HS2ST1: variants seen among roughly 807,000 people sequenced by gnomAD.
HS2ST1 encodes the protein 2-O-sulfotransferase.
A neutral mutation model predicts 42.9 loss-of-function variants in HS2ST1; 18 were observed. The ratio of observed to expected loss-of-function variants is 0.42; its 90% CI spans 0.29 to 0.62. The LOEUF (loss-of-function observed/expected upper bound fraction) is 0.62. Ranked by LOEUF, HS2ST1 falls within the 20% of genes least tolerant of loss-of-function variation. The pLI, the probability that HS2ST1 is intolerant of heterozygous loss-of-function variation, is 0.21. For missense variants in HS2ST1, 334 were observed against 433.8 expected, an observed-to-expected ratio of 0.77 and a Z score of 2.04; for synonymous variants, 146 against 152.9, an observed-to-expected ratio of 0.95 and a Z score of 0.33.
At chr1:87,051,158 A>T (rs1237814049) in intron 1 of HS2ST1, among the ~76,000 whole-genome samples, 2 of 152,172 alleles carry the variant, frequency 1.3e-5, no homozygotes, top group South Asian at 4.1e-4. Context: ...TTTCAGAGAA[A>T]GAAGTAGCTT....
intron 1 of HS2ST1, among the ~76,000 whole-genome samples, chr1:86,923,579 G>A (rs1660349317): frequency 6.6e-6 from 1 of 152,106 alleles, no homozygotes; most frequent in South Asian, 2.1e-4. Context: ...TGTATTTTTA[G>A]TAGAGATGGG....
In HS2ST1 at chr1:87,098,118, A is replaced by G; in HGVS notation, c.686+183A>G. 5 of 1,332,658 alleles carry G rather than the reference A, an allele frequency of 3.8e-6. No individual in the cohort carries two copies. In the South Asian group the frequency reaches 7.9e-5, roughly 21 times the overall value. The allele number at this position is 1,332,658 out of a possible 1,614,324, so 82.6% of individuals were successfully genotyped here. A position where few individuals can be genotyped will look rare whatever the true frequency, so the allele number is the denominator to read the frequency against. The stretch of plus-strand genomic sequence containing the variant: ...TGCATTTAAAAGATTCCTCATGTAG[A>G]GTGATATCCTAATATCCTTGCATTG... On this transcript the variant is annotated intron_variant, in intron 5 of 6. Transcript: ENST00000370550.
chr1:86,971,226 G>A (rs1027623649), intron 1 of HS2ST1, among the ~76,000 whole-genome samples: 2 of 152,030 alleles, frequency 1.3e-5, no homozygotes, highest in Non-Finnish European at 2.9e-5. Flanking sequence ...ATCCAAGAGG[G>A]AAGGTCTATA....
intron 1 of HS2ST1, among the ~76,000 whole-genome samples, chr1:86,923,458 G>A (rs190805844): frequency 3.6e-4 from 55 of 151,226 alleles, no homozygotes; most frequent in African/African-American, 1.2e-3. Context: ...GTGCAGTGGC[G>A]CAATCTCGGC....
At chr1:86,963,951 T>G (rs965078840) in intron 1 of HS2ST1, among the ~76,000 whole-genome samples, 1 of 146,256 alleles carries the variant, frequency 6.8e-6, no homozygotes, top group Non-Finnish European at 1.5e-5. Context: ...GCTCCTCACT[T>G]CCCAAATGGG....
chr1:87,095,300 C>G (rs1302113331), intron 4 of HS2ST1, among the ~76,000 whole-genome samples: 1 of 152,086 alleles, frequency 6.6e-6, no homozygotes. Flanking sequence ...GTGTAGATAG[C>G]TTTATTTCTA....
chr1:87,003,993 A>AT (rs1557512029), intron 1 of HS2ST1, among the ~76,000 whole-genome samples: 1 of 152,166 alleles, frequency 6.6e-6, no homozygotes, highest in Non-Finnish European at 1.5e-5. Context: ...AACTTGTTAC[A>AT]TTTTTTAACA....
At chr1:87,058,359 C>T (rs1421824654) in intron 1 of HS2ST1, among the ~76,000 whole-genome samples, 2 of 151,774 alleles carry the variant, frequency 1.3e-5, no homozygotes, top group African/African-American at 4.9e-5. Context: ...AAAAAGGATT[C>T]TGCCTCTTTT....
At chr1:87,013,662 T>C (rs1175748622) in intron 1 of HS2ST1, among the ~76,000 whole-genome samples, 4 of 152,232 alleles carry the variant, frequency 2.6e-5, no homozygotes, top group Non-Finnish European at 5.9e-5. Context: ...GTTTTTCTTT[T>C]CTATTGCATT....
intron 1 of HS2ST1, among the ~76,000 whole-genome samples, chr1:86,963,804 C>T (rs1411103987): frequency 2.2e-4 from 33 of 146,758 alleles, no homozygotes; most frequent in Non-Finnish European, 4.2e-4. Context: ...CCCCACCTCC[C>T]CCCCTGGACG....
intron 1 of HS2ST1, among the ~76,000 whole-genome samples, chr1:86,985,509 C>CAT (rs67550551): frequency 5.4e-5 from 2 of 37,010 alleles, no homozygotes; most frequent in Non-Finnish European, 1.3e-4. Flanking sequence ...CATATATACA[C>CAT]ATATATATAC....
rs529726819 is a variant in HS2ST1 at position 86,927,284 on chromosome 1, A to G, written c.124+12124A>G. On this transcript the variant is annotated intron_variant, in intron 1 of 6. Transcript: ENST00000370550. Reference sequence around the variant, plus strand: ...TTGCCCTATGGTGAATATTATCATTATAGTCCTCAGATCTTCAACGTGGCA... The same window carrying G: ...TTGCCCTATGGTGAATATTATCATTGTAGTCCTCAGATCTTCAACGTGGCA... 2.6e-4 allele frequency among the ~76,000 whole-genome samples: 39 copies of G among 152,342 alleles called. 2 individuals are homozygous for G. In the Middle Eastern group the frequency reaches 0.024, roughly 94 times the overall value.
chr1:86,969,746 ATATCT>A (rs1308393349), intron 1 of HS2ST1, among the ~76,000 whole-genome samples: 2 of 151,294 alleles, frequency 1.3e-5, no homozygotes, highest in Non-Finnish European at 2.9e-5. Flanking sequence ...GTTATATAAA[ATATCT>A]TAATTAAGAG....
chr1:86,948,779 A>T (rs1226349555), intron 1 of HS2ST1, among the ~76,000 whole-genome samples: 1 of 152,240 alleles, frequency 6.6e-6, no homozygotes, highest in Non-Finnish European at 1.5e-5. Flanking sequence ...TAAAATTTTT[A>T]GCACATAAAA....
In HS2ST1 at chr1:87,071,748, A is replaced by T. The variant is rs1037464922; in HGVS notation, c.125-1186A>T. On this transcript the variant is annotated intron_variant, in intron 1 of 6. Transcript: ENST00000370550. ...GTCTCCGAAAAAAAAAAAAAAAAAG[A>T]TGATTTGACCTAGTCAGAGCTATCA... Among the ~76,000 whole-genome samples, 5 of 149,940 alleles carry T rather than the reference A, an allele frequency of 3.3e-5. 1 individual carries two copies. In the South Asian group the frequency reaches 6.3e-4, roughly 19 times the overall value.
chr1:86,940,745 A>G (rs1214166712), intron 1 of HS2ST1, among the ~76,000 whole-genome samples: 1 of 152,096 alleles, frequency 6.6e-6, no homozygotes, highest in Non-Finnish European at 1.5e-5. Context: ...AATCCTAGCT[A>G]GCCCTTTGGG....
chr1:87,076,306 C>A (rs1324761168), intron 2 of HS2ST1, among the ~76,000 whole-genome samples: 1 of 152,070 alleles, frequency 6.6e-6, no homozygotes, highest in African/African-American at 2.4e-5. Flanking sequence ...TGTTCATAGA[C>A]ATAGTACATG....
chr1:87,038,025 T>C (rs1570502944), intron 1 of HS2ST1, among the ~76,000 whole-genome samples: 2 of 152,210 alleles, frequency 1.3e-5, no homozygotes, highest in East Asian at 3.9e-4. Context: ...AATCTTTATA[T>C]TGTTAATGAT....
At chr1:87,080,245 C>T (rs546027964) in intron 2 of HS2ST1, among the ~76,000 whole-genome samples, 12 of 152,124 alleles carry the variant, frequency 7.9e-5, no homozygotes, top group Admixed American at 7.2e-4. Context: ...AGGGAACAAA[C>T]GTCAAGGGTT....
Sources: gnomAD v4.1 joint callset for allele counts (sites outside exome capture counted in the v4.1 genomes callset) on GRCh38, gnomAD v4.1.1 for gene constraint, MANE v1.5 for transcripts, NCBI Gene and HGNC (gene_info 2026-07-23, HGNC 2026-07-21) for gene names.